The following FAAH2 variants were observed in gnomAD, a reference collection of about 807,000 sequenced individuals.
FAAH2 encodes fatty acid amide hydrolase 2, also known as fatty-acid amide hydrolase 2.
In FAAH2, 60 loss-of-function variants were observed where a neutral mutation model predicts 36.9. The observed-to-expected ratio is 1.63, with a 90% CI of 1.32 to 2.02. The LOEUF is 2.02. FAAH2 is among the 30% of genes most tolerant of loss of function. The pLI, the probability that FAAH2 is intolerant of heterozygous loss-of-function variation, is 0.00. For missense variants in FAAH2, 689 were observed against 397.5 expected, an observed-to-expected ratio of 1.73 and a Z score of -6.23; for synonymous variants, 214 against 143.8, an observed-to-expected ratio of 1.49 and a Z score of -3.49.
At chrX:57,299,242 A>T (rs1040532086) in intron 2 of FAAH2, among the ~76,000 whole-genome samples, 37 of 112,137 alleles carry the variant, frequency 3.3e-4, no homozygotes, top group Admixed American at 2.0e-3. Context: ...CAACACATGA[A>T]AAAACTTATC....
chrX:57,418,457 C>T lies in FAAH2; in HGVS notation c.997-13461C>T, dbSNP rs181154810. ...TGCACCATCCCTCATGGCACAGTCC[C>T]TTATGGCTTCCCTTGGCTAAGCGAG... On this transcript the variant is annotated intron_variant, in intron 7 of 10. Transcript: ENST00000374900. Among the ~76,000 whole-genome samples, 431 of 111,139 alleles carry T rather than the reference C, an allele frequency of 3.9e-3. 2 individuals are homozygous for T. Among genetic ancestry groups the T allele is most frequent in the African/African-American group, 0.014 (414 of 30,545 alleles).
At chrX:57,277,252 G>T in the FAAH2 span, among the ~76,000 whole-genome samples, 1 of 111,565 alleles carries the variant, frequency 9.0e-6, no homozygotes, top group Admixed American at 9.5e-5. Context: ...TCATCCCTGG[G>T]ACGCAAGGCT....
chrX:57,453,245 G>C (rs748621044), intron 10 of FAAH2, among the ~76,000 whole-genome samples: 1 of 112,546 alleles, frequency 8.9e-6, no homozygotes, highest in South Asian at 3.7e-4. Context: ...CCCAGAGGTA[G>C]AGAAAAATCA....
intron 10 of FAAH2, among the ~76,000 whole-genome samples, chrX:57,455,753 A>G (rs2056854604): frequency 8.9e-6 from 1 of 112,313 alleles, no homozygotes; most frequent in African/African-American, 3.2e-5. Context: ...AGGAAGTCTT[A>G]ACTATCCTAA....
chrX:57,450,395 T>G lies in FAAH2; in HGVS notation c.1423+1677T>G, dbSNP rs2056762723. 3.6e-5 allele frequency among the ~76,000 whole-genome samples: 4 copies of G among 111,297 alleles called. No homozygotes were observed. In the Middle Eastern group the frequency reaches 0.014, roughly 385 times the overall value. On this transcript the variant is annotated intron_variant, in intron 10 of 10. Transcript: ENST00000374900. ...AAACCTGAGGAAACTGAATGATGTA[T>G]AAAGTGATTTAAGGGTCAGGGTCAG... is the stretch of plus-strand genomic sequence containing the variant.
chrX:57,145,258 G>GGT, the FAAH2 span, among the ~76,000 whole-genome samples: 2 of 108,062 alleles, frequency 1.9e-5, no homozygotes, highest in African/African-American at 3.5e-5. Flanking sequence ...TCTTTTGGGG[G>GGT]GGGGTAAGGT....
the FAAH2 span, among the ~76,000 whole-genome samples, chrX:57,196,693 T>C: frequency 8.9e-6 from 1 of 112,179 alleles, no homozygotes; most frequent in African/African-American, 3.2e-5. Context: ...GCTGTGGATA[T>C]GCAATAGATA....
intron 7 of FAAH2, among the ~76,000 whole-genome samples, chrX:57,391,064 C>T (rs2055155304): frequency 9.0e-6 from 1 of 111,464 alleles, no homozygotes. Context: ...TTACATTTCT[C>T]TGATGACTAG....
At chrX:57,396,083 T>C (rs931379213) in intron 7 of FAAH2, among the ~76,000 whole-genome samples, 3 of 111,806 alleles carry the variant, frequency 2.7e-5, no homozygotes, top group African/African-American at 9.7e-5. Flanking sequence ...GTTGTATGTG[T>C]CCAGGAAGTA....
chrX:57,292,663 T>G, intron 2 of FAAH2, 83 bp downstream of exon 2: 1 of 756,134 alleles, frequency 1.3e-6, no homozygotes, highest in Non-Finnish European at 1.9e-6. Context: ...GCATATTTCC[T>G]AGATTCTTCT....
At chrX:57,460,623 G>T (rs1433037147) in intron 10 of FAAH2, among the ~76,000 whole-genome samples, 1 of 111,695 alleles carries the variant, frequency 9.0e-6, no homozygotes, top group Non-Finnish European at 1.9e-5. Flanking sequence ...TCACTACCAG[G>T]CCTGCCTTAC....
the FAAH2 span, among the ~76,000 whole-genome samples, chrX:57,272,629 A>G: frequency 8.9e-6 from 1 of 112,223 alleles, no homozygotes; most frequent in African/African-American, 3.2e-5. Flanking sequence ...AGAATTTTCA[A>G]ACCAGAATTT....
At chrX:57,200,902 T>C in the FAAH2 span, among the ~76,000 whole-genome samples, 1 of 109,308 alleles carries the variant, frequency 9.1e-6, no homozygotes, top group African/African-American at 3.5e-5. Flanking sequence ...TAAACATTCT[T>C]TTTTTTCTTA....
At chrX:57,485,250 G>C (rs375352465) in intron 10 of FAAH2, among the ~76,000 whole-genome samples, 1 of 111,534 alleles carries the variant, frequency 9.0e-6, no homozygotes, top group Admixed American at 9.5e-5. Flanking sequence ...TCTCTCCCTG[G>C]CCCAGAGGTG....
At chrX:57,345,628 G>A (rs145193188) in intron 5 of FAAH2, among the ~76,000 whole-genome samples, 2,030 of 110,364 alleles carry the variant, frequency 0.018, 26 homozygotes, top group Non-Finnish European at 0.026. Flanking sequence ...CAATTTCATT[G>A]GTTCTACCCA....
intron 4 of FAAH2, among the ~76,000 whole-genome samples, chrX:57,334,097 C>T (rs2053479454): frequency 9.1e-6 from 1 of 110,057 alleles, no homozygotes; most frequent in Non-Finnish European, 1.9e-5. Flanking sequence ...TGTTGAATCC[C>T]CATCTCTACT....
At chrX:57,474,721 T>A (rs913555680) in intron 10 of FAAH2, among the ~76,000 whole-genome samples, 1 of 112,225 alleles carries the variant, frequency 8.9e-6, no homozygotes, top group South Asian at 3.7e-4. Flanking sequence ...CAGGTATATA[T>A]GCAGTAATGG....
At chrX:57,255,552 C>A in the FAAH2 span, among the ~76,000 whole-genome samples, 1 of 111,999 alleles carries the variant, frequency 8.9e-6, no homozygotes, top group Non-Finnish European at 1.9e-5. Flanking sequence ...CCAAATGCAG[C>A]AGCACATCAG....
chrX:57,350,807 T>C (rs2053980152), intron 5 of FAAH2, among the ~76,000 whole-genome samples: 1 of 111,200 alleles, frequency 9.0e-6, no homozygotes, highest in Admixed American at 9.6e-5. Flanking sequence ...ACAATTCTAA[T>C]TATGTATTTA....
Sources: allele counts gnomAD v4.1 joint callset (sites outside exome capture counted in the v4.1 genomes callset), GRCh38; gene constraint gnomAD v4.1.1; transcripts MANE v1.5; gene names NCBI Gene and HGNC (gene_info 2026-07-23, HGNC 2026-07-21).